EPB41L2: variants seen among roughly 807,000 people sequenced by gnomAD.
The protein encoded by EPB41L2 is erythrocyte membrane protein band 4.1 like 2, also known as band 4.1-like protein 2.
EPB41L2 carries 43 observed loss-of-function variants against 113.0 expected under a neutral mutation model. The observed-to-expected ratio is 0.38, with a 90% CI of 0.30 to 0.49. The LOEUF (loss-of-function observed/expected upper bound fraction) is 0.49. Ranked by LOEUF, EPB41L2 falls within the 20% of genes least tolerant of loss-of-function variation. The pLI is 0.95. For missense variants in EPB41L2, 1,147 were observed against 1,223.4 expected (o/e 0.94, Z 0.93); for synonymous variants, 442 against 436.7 (o/e 1.01, Z -0.15).
At chr6:130,864,846 A>C (rs1357731452) in intron 17 of EPB41L2, among the ~76,000 whole-genome samples, 4 of 152,234 alleles carry the variant, frequency 2.6e-5, no homozygotes, top group Non-Finnish European at 5.9e-5. Flanking sequence ...TAAGACCTTT[A>C]GACACTTATC....
intron 1 of EPB41L2, chr6:130,970,362 G>A (rs1384189161): frequency 6.6e-6 from 1 of 152,142 alleles, no homozygotes; most frequent in Admixed American, 6.5e-5. Context: ...GAAATCCAGC[G>A]TCCAAAAGCT....
intron 1 of EPB41L2, among the ~76,000 whole-genome samples, chr6:130,962,507 T>C (rs1301681849): frequency 2.0e-5 from 3 of 152,196 alleles, no homozygotes; most frequent in Non-Finnish European, 4.4e-5. Context: ...ATTATCTATA[T>C]GGGGAGGATG....
chr6:131,048,948 T>C (rs1796020456), intron 1 of EPB41L2, among the ~76,000 whole-genome samples: 1 of 152,146 alleles, frequency 6.6e-6, no homozygotes, highest in Non-Finnish European at 1.5e-5. Context: ...TCACTGCTAT[T>C]ATGTGTTCTA....
At chr6:130,858,279 G>C (rs768933524) in intron 18 of EPB41L2, 36 bp from the exon 19 acceptor site, 15 of 1,556,384 alleles carry the variant, frequency 9.6e-6, no homozygotes, top group Non-Finnish European at 1.2e-5. Context: ...CTGTGAGCTG[G>C]GGAACAGCCT....
intron 12 of EPB41L2, chr6:130,883,306 A>T (rs1199615649): frequency 6.6e-6 from 1 of 152,418 alleles, no homozygotes; most frequent in Non-Finnish European, 1.5e-5. Context: ...AGGAGGGACC[A>T]TATTAACACA....
In EPB41L2 at chr6:130,973,631, C is replaced by T. The variant is rs886167905; in HGVS notation, c.-14-17132G>A. On this transcript the variant is annotated intron_variant, in intron 1 of 19. Transcript: ENST00000337057. ...CCTCCTTCCTTTCTATTCAAAGTCACCCCTCTGCTCACTGAGATAAATGCA... is the reference window on the plus strand; with the variant it reads ...CCTCCTTCCTTTCTATTCAAAGTCATCCCTCTGCTCACTGAGATAAATGCA... 3.8e-4 allele frequency among the ~76,000 whole-genome samples: 58 copies of T among 152,162 alleles called. 1 individual carries two copies. The highest frequency in any genetic ancestry group is 1.5e-4 in the Non-Finnish European group (10 of 68,036).
chr6:130,861,418 G>GTT (rs1449992564), intron 18 of EPB41L2, among the ~76,000 whole-genome samples: 3 of 152,172 alleles, frequency 2.0e-5, no homozygotes, highest in African/African-American at 7.2e-5. Context: ...AGATGTCAAT[G>GTT]TTATGAAGGT....
intron 5 of EPB41L2, among the ~76,000 whole-genome samples, chr6:130,908,151 G>T (rs1161564766): frequency 6.6e-6 from 1 of 152,184 alleles, no homozygotes; most frequent in Non-Finnish European, 1.5e-5. Context: ...AAAACAACCT[G>T]CAGAGGCAGA....
intron 14 of EPB41L2, among the ~76,000 whole-genome samples, chr6:130,875,584 TCTC>T (rs1385984699): frequency 2.0e-5 from 3 of 152,230 alleles, no homozygotes; most frequent in South Asian, 4.2e-4. Context: ...TCAAATGTCA[TCTC>T]CTCCTGACCA....
intron 1 of EPB41L2, among the ~76,000 whole-genome samples, chr6:130,967,229 A>G (rs1023018617): frequency 6.6e-6 from 1 of 152,160 alleles, no homozygotes; most frequent in African/African-American, 2.4e-5. Flanking sequence ...CCCTACAAAC[A>G]CAGTTATTTT....
intron 1 of EPB41L2, among the ~76,000 whole-genome samples, chr6:131,050,120 C>A (rs1796236329): frequency 6.6e-6 from 1 of 152,194 alleles, no homozygotes. Context: ...GGGCAGATCA[C>A]CTGAGGTCAG....
At chr6:130,972,442 A>T (rs989912220) in intron 1 of EPB41L2, among the ~76,000 whole-genome samples, 4 of 151,830 alleles carry the variant, frequency 2.6e-5, no homozygotes, top group African/African-American at 9.6e-5. Flanking sequence ...ACTAAAAGAA[A>T]ATGTGTCAAT....
intron 4 of EPB41L2, among the ~76,000 whole-genome samples, chr6:130,920,230 A>T: frequency 6.6e-6 from 1 of 152,218 alleles, no homozygotes; most frequent in Non-Finnish European, 1.5e-5. Context: ...TGGTCACACG[A>T]GGCTATTTCA....
intron 11 of EPB41L2, 51 bp from the exon 12 acceptor site, chr6:130,885,319 C>T: frequency 6.3e-7 from 1 of 1,590,634 alleles, no homozygotes. Flanking sequence ...GAATCATAAA[C>T]TTTATGGAAA....
intron 15 of EPB41L2, among the ~76,000 whole-genome samples, chr6:130,869,298 T>C (rs1784880617): frequency 6.6e-6 from 1 of 152,032 alleles, no homozygotes; most frequent in African/African-American, 2.4e-5. Context: ...AAAATTTAAA[T>C]GTGAAAAGGG....
intron 3 of EPB41L2, among the ~76,000 whole-genome samples, chr6:130,939,526 T>C (rs1242280405): frequency 6.6e-6 from 1 of 152,146 alleles, no homozygotes; most frequent in African/African-American, 2.4e-5. Flanking sequence ...GTGCTAGGAT[T>C]ACAGATGTAA....
intron 1 of EPB41L2, among the ~76,000 whole-genome samples, chr6:131,033,173 C>A (rs1298545907): frequency 6.6e-6 from 1 of 151,330 alleles, no homozygotes; most frequent in Non-Finnish European, 1.5e-5. Context: ...TGTGCCTGGC[C>A]AGGATGGCTA....
intron 3 of EPB41L2, among the ~76,000 whole-genome samples, chr6:130,947,152 C>G (rs1813206960): frequency 6.6e-5 from 10 of 151,916 alleles, no homozygotes; most frequent in Admixed American, 6.6e-4. Flanking sequence ...CTAAGCAGCT[C>G]CTTTTTGCTA....
chr6:131,047,797 C>T (rs190577330), intron 1 of EPB41L2, among the ~76,000 whole-genome samples: 3 of 151,514 alleles, frequency 2.0e-5, no homozygotes, highest in Non-Finnish European at 4.4e-5. Flanking sequence ...CTCTAAACTA[C>T]GTTAGGCAAA....
Sources: gnomAD v4.1 joint callset for allele counts (sites outside exome capture counted in the v4.1 genomes callset) on GRCh38, gnomAD v4.1.1 for gene constraint, MANE v1.5 for transcripts, NCBI Gene and HGNC (gene_info 2026-07-23, HGNC 2026-07-21) for gene names.